CHCHD3: variants seen among roughly 807,000 people sequenced by gnomAD.
CHCHD3 encodes the protein MICOS complex subunit MIC19.
CHCHD3 carries 20 observed loss-of-function variants against 38.2 expected under a neutral mutation model. The ratio of observed to expected loss-of-function variants is 0.52; its 90% CI spans 0.37 to 0.76. The LOEUF is 0.76. Ranked by LOEUF, CHCHD3 falls within the 30% of genes least tolerant of loss-of-function variation. The pLI, the probability that CHCHD3 is intolerant of heterozygous loss-of-function variation, is 0.00. For synonymous variants in CHCHD3, 82 were observed against 100.0 expected, an observed-to-expected ratio of 0.82 and a Z score of 1.07; for missense variants, 245 against 279.2, an observed-to-expected ratio of 0.88 and a Z score of 0.87.
chr7:133,016,246 A>T lies in CHCHD3; in HGVS notation c.251+8300T>A, dbSNP rs529319283. Among the ~76,000 whole-genome samples the T allele has an allele frequency of 3.3e-5, 5 of 152,318 alleles. No individual in the cohort carries two copies. In the South Asian group the frequency reaches 1.0e-3, roughly 32 times the overall value. On this transcript the variant is annotated intron_variant, in intron 3 of 7. Coordinates refer to ENST00000262570, the MANE Select transcript of CHCHD3 (RefSeq NM_017812.4). Reference sequence around the variant, plus strand: ...TGTTATATAGTTGAAATGAATGAAAATACATAAAATGCTTAGAACAGTGCT... The same window carrying T: ...TGTTATATAGTTGAAATGAATGAAATTACATAAAATGCTTAGAACAGTGCT...
intron 2 of CHCHD3, among the ~76,000 whole-genome samples, chr7:133,030,730 A>G (rs1282016404): frequency 2.0e-5 from 3 of 152,196 alleles, no homozygotes; most frequent in Non-Finnish European, 4.4e-5. Flanking sequence ...CTCAGAAACC[A>G]TTTTAATTTC....
At position 132,785,547 on chromosome 7, in the gene CHCHD3, T is replaced by A; in HGVS notation, c.*90A>T. On this transcript the variant is annotated 3_prime_UTR_variant, in exon 8 of 8. Coordinates refer to ENST00000262570, the MANE Select transcript of CHCHD3 (RefSeq NM_017812.4). ...TTAGTGGTCTTCTCATTAGTGGTCT[T>A]CTCTTCAAATGGGTTGTTTTCTCAC... 7.8e-7 allele frequency: 1 copy of A among 1,280,902 alleles called. No individual in the cohort carries two copies. Among genetic ancestry groups the A allele is most frequent in the Non-Finnish European group, 1.1e-6 (1 of 881,258 alleles). 79.3% of individuals were successfully genotyped at this position (1,280,902 alleles called of 1,614,324 possible).
chr7:132,852,043 T>C (rs1562885545), intron 5 of CHCHD3, among the ~76,000 whole-genome samples: 1 of 152,114 alleles, frequency 6.6e-6, no homozygotes, highest in Non-Finnish European at 1.5e-5. Context: ...AGCCTTACCG[T>C]AGATGAAGCA....
chr7:132,899,157 G>A (rs759246118), intron 4 of CHCHD3, among the ~76,000 whole-genome samples: 3 of 152,188 alleles, frequency 2.0e-5, no homozygotes, highest in Non-Finnish European at 2.9e-5. Context: ...CTGCCAGCAC[G>A]CTGTCACCTC....
rs546581469 is a variant in CHCHD3, at chr7:132,816,952, A to C, written c.525-20375T>G. Among the ~76,000 whole-genome samples the C allele has an allele frequency of 2.6e-5, 4 of 152,332 alleles. No homozygotes were observed. In the East Asian group the frequency reaches 5.8e-4, roughly 22 times the overall value. On this transcript the variant is annotated intron_variant, in intron 6 of 7. Transcript: ENST00000262570. ...ATGGCATACAAAAGCCTGAAAAAAA[A>C]CCCTGGAATATCAAAATGGAAGTAG...
At chr7:132,792,043 T>C in intron 7 of CHCHD3, among the ~76,000 whole-genome samples, 1 of 152,152 alleles carries the variant, frequency 6.6e-6, no homozygotes, top group Admixed American at 6.5e-5. Flanking sequence ...CTGCTATGGT[T>C]TGGGGGACCC....
intron 4 of CHCHD3, among the ~76,000 whole-genome samples, chr7:132,895,821 A>G (rs370678321): frequency 1.3e-5 from 2 of 152,186 alleles, no homozygotes; most frequent in African/African-American, 4.8e-5. Flanking sequence ...ACCCAGTCTC[A>G]GGTATGTCTT....
At chr7:132,921,956 A>G (rs1218979119) in intron 4 of CHCHD3, among the ~76,000 whole-genome samples, 2 of 152,234 alleles carry the variant, frequency 1.3e-5, no homozygotes. Flanking sequence ...ACAAGAGCAA[A>G]TGACTACCCA....
At chr7:133,023,312 A>G (rs1345628108) in intron 3 of CHCHD3, among the ~76,000 whole-genome samples, 1 of 152,188 alleles carries the variant, frequency 6.6e-6, no homozygotes, top group East Asian at 1.9e-4. Context: ...TGTTCTGTAT[A>G]TTTTGTGTAA....
At chr7:132,919,900 T>C (rs984889534) in intron 4 of CHCHD3, among the ~76,000 whole-genome samples, 2 of 152,152 alleles carry the variant, frequency 1.3e-5, no homozygotes, top group African/African-American at 4.8e-5. Flanking sequence ...ATGCTAATAA[T>C]AAAGTGCTGA....
intron 4 of CHCHD3, among the ~76,000 whole-genome samples, chr7:132,924,323 GAC>G (rs1264514341): frequency 2.6e-5 from 4 of 152,058 alleles, no homozygotes; most frequent in Non-Finnish European, 5.9e-5. Context: ...ATAATAGTAT[GAC>G]ACACATACAT....
intron 4 of CHCHD3, among the ~76,000 whole-genome samples, chr7:132,961,458 C>G (rs1585677668): frequency 6.6e-6 from 1 of 152,124 alleles, no homozygotes. Context: ...CCCAGTTTTA[C>G]TGGGGTGTAA....
At chr7:132,955,284 C>T (rs1585671861) in intron 4 of CHCHD3, among the ~76,000 whole-genome samples, 1 of 151,420 alleles carries the variant, frequency 6.6e-6, no homozygotes, top group East Asian at 2.0e-4. Flanking sequence ...AAAAGACCCA[C>T]AACCATGGTC....
intron 5 of CHCHD3, among the ~76,000 whole-genome samples, chr7:132,853,553 C>T (rs62467044): frequency 0.22 from 32,913 of 151,828 alleles, 3,779 homozygotes; most frequent in South Asian, 0.26. Context: ...ACCTGGGAGG[C>T]GGAGGTTGTA....
chr7:133,001,318 T>C (rs1156495262), intron 3 of CHCHD3, among the ~76,000 whole-genome samples: 1 of 152,192 alleles, frequency 6.6e-6, no homozygotes, highest in African/African-American at 2.4e-5. Context: ...CCAAACACAA[T>C]GTTATCCCTT....
intron 5 of CHCHD3, among the ~76,000 whole-genome samples, chr7:132,853,357 A>G (rs983295685): frequency 2.0e-5 from 3 of 152,138 alleles, no homozygotes; most frequent in Non-Finnish European, 2.9e-5. Flanking sequence ...ATTAAGAACT[A>G]CGGTGTAATC....
chr7:133,013,101 G>T (rs941325638), intron 3 of CHCHD3, among the ~76,000 whole-genome samples: 2 of 146,152 alleles, frequency 1.4e-5, no homozygotes, highest in Non-Finnish European at 3.0e-5. Flanking sequence ...CAGGAGAATC[G>T]CTTGAACCCA....
intron 4 of CHCHD3, among the ~76,000 whole-genome samples, chr7:132,952,012 T>C (rs1811047217): frequency 6.6e-6 from 1 of 152,162 alleles, no homozygotes; most frequent in Non-Finnish European, 1.5e-5. Flanking sequence ...CTTAAAAACA[T>C]GAAGAGCATG....
intron 5 of CHCHD3, among the ~76,000 whole-genome samples, chr7:132,839,622 A>AT: frequency 6.6e-6 from 1 of 152,190 alleles, no homozygotes; most frequent in Non-Finnish European, 1.5e-5. Context: ...GCAATCATTT[A>AT]TTTTTTAATA....
Sources: allele counts gnomAD v4.1 joint callset (sites outside exome capture counted in the v4.1 genomes callset), GRCh38; gene constraint gnomAD v4.1.1; transcripts MANE v1.5; gene names NCBI Gene and HGNC (gene_info 2026-07-23, HGNC 2026-07-21).